The following HYKK variants were observed in gnomAD, a reference collection of about 807,000 sequenced individuals.
HYKK encodes the protein hydroxylysine kinase.
HYKK carries 19 observed loss-of-function variants against 29.7 expected under a neutral mutation model. The observed-to-expected ratio is 0.64, with a 90% CI of 0.45 to 0.94. The LOEUF (loss-of-function observed/expected upper bound fraction) is 0.94, where lower values mean the gene tolerates loss of function less well. Among genes scored for constraint, HYKK ranks in the 40% least tolerant of loss-of-function variants. The pLI, the probability that HYKK is intolerant of heterozygous loss-of-function variation, is 0.00. For synonymous variants in HYKK, 152 were observed against 158.1 expected (o/e 0.96, Z 0.29); for missense variants, 390 against 443.4 (o/e 0.88, Z 1.08).
chr15:78,533,513 A>G lies in HYKK; in HGVS notation c.965A>G (p.Tyr322Cys). 1 of 1,614,108 alleles carries G rather than the reference A, an allele frequency of 6.2e-7. No individual in the cohort carries two copies. The highest frequency in any genetic ancestry group is 1.3e-5 in the African/African-American group (1 of 75,020). ...RFCQSLVMAA[Y>C]SCQLYPENKD... is the part of the protein sequence containing the mutation. ...TGTCAGTCACTTGTCATGGCTGCATACTCTTGCCAGCTATACCCAGAGAAC... is the reference window on the plus strand; with the variant it reads ...TGTCAGTCACTTGTCATGGCTGCATGCTCTTGCCAGCTATACCCAGAGAAC... Residue 322 changes from tyrosine (Y) to cysteine (C), a missense_variant, in exon 5 of 5, where the codon TAC (tyrosine) becomes TGC (cysteine). Coordinates refer to ENST00000388988, the MANE Select transcript of HYKK (RefSeq NM_001013619.4).
chr15:78,514,889 C>CCTCTCTCTCTCTCTCTCTCTCT (rs148681032), intron 2 of HYKK, 79 bp from the exon 3 acceptor site: 3 of 208,604 alleles, frequency 1.4e-5, no homozygotes, highest in South Asian at 2.3e-4. Context: ...TATCTAAATA[C>CCTCTCTCTCTCTCTCTCTCTCT]CTCTCTCTCT....
intron 4 of HYKK, 72 bp from the exon 5 acceptor site, chr15:78,533,138 A>C: frequency 1.0e-6 from 1 of 956,028 alleles, no homozygotes; most frequent in Non-Finnish European, 1.6e-6. Context: ...GGCTTTGCCT[A>C]TGAAAGAGAA....
rs2036534 is a variant in HYKK at position 78,534,606 on chromosome 15, T to C, written c.*936T>C. The C allele has an allele frequency of 0.26, 39,814 of 152,130 alleles. 5,936 individuals carry two copies. The highest frequency in any genetic ancestry group is 0.46 in the Admixed American group (7,033 of 15,266). The allele number at this position is 152,130 out of a possible 1,614,324, so 9.4% of individuals were successfully genotyped here. A position where few individuals can be genotyped will look rare whatever the true frequency, so the allele number is the denominator to read the frequency against. On this transcript the variant is annotated 3_prime_UTR_variant, in exon 5 of 5. Transcript: ENST00000388988. ...ATAGTGCCTTTCCTACAGAGAGGTC[T>C]TTAAAAATATTTGAAAATAAATGCG...
intron 3 of HYKK, among the ~76,000 whole-genome samples, chr15:78,516,540 G>A (rs1195103297): frequency 1.3e-5 from 2 of 151,554 alleles, no homozygotes; most frequent in East Asian, 3.9e-4. Context: ...TGTAGAGATG[G>A]GGTTTCACCA....
At chr15:78,525,369 G>A (rs954941314) in intron 3 of HYKK, among the ~76,000 whole-genome samples, 3 of 151,982 alleles carry the variant, frequency 2.0e-5, no homozygotes, top group African/African-American at 4.8e-5. Flanking sequence ...TGTTAGCCAG[G>A]ATGGTCTCGA....
intron 4 of HYKK, among the ~76,000 whole-genome samples, chr15:78,532,380 T>C (rs1231784908): frequency 6.6e-6 from 1 of 152,200 alleles, no homozygotes; most frequent in Non-Finnish European, 1.5e-5. Flanking sequence ...TAACATTTTG[T>C]AGACCAGCAC....
chr15:78,517,282 C>G (rs1336550592), intron 3 of HYKK, among the ~76,000 whole-genome samples: 1 of 151,814 alleles, frequency 6.6e-6, no homozygotes, highest in Admixed American at 6.6e-5. Flanking sequence ...GCTTTTAAGA[C>G]TTTCTCTTGA....
chr15:78,514,230 C>T (rs2052104181), intron 2 of HYKK, among the ~76,000 whole-genome samples: 1 of 151,934 alleles, frequency 6.6e-6, no homozygotes, highest in Non-Finnish European at 1.5e-5. Context: ...TAGATTTTAG[C>T]TTTGTCATTA....
intron 1 of HYKK, among the ~76,000 whole-genome samples, chr15:78,510,097 C>A (rs2052057127): frequency 6.8e-6 from 1 of 147,796 alleles, no homozygotes; most frequent in African/African-American, 2.5e-5. Flanking sequence ...TCTTTTCTTT[C>A]TTTCTCTCTC....
At chr15:78,537,171 A>G (rs1157124381), downstream of HYKK, 3 of 447,058 alleles carry the variant, frequency 6.7e-6, no homozygotes, top group South Asian at 6.2e-5. Flanking sequence ...CCTAGCCTCC[A>G]TAATTTATTT....
At position 78,527,448 on chromosome 15, in the gene HYKK, T is replaced by G. The variant is rs753604184; in HGVS notation, c.546T>G (p.Pro182=). ...ENFIWNLKNV[P]LLEKYLYALG... ...TCATCTGGAATCTGAAAAATGTTCC[T>G]CTTCTGGAGAAATACCTGTATGCCC... The change falls in exon 4 of 5, where the codon CCT becomes CCG. Residue 182 remains proline, a synonymous_variant. Transcript: ENST00000388988. 29 of 1,614,082 alleles carry G rather than the reference T, an allele frequency of 1.8e-5. No homozygotes were observed. The Middle Eastern group carries it at 6.6e-4, about 37-fold the overall frequency.
chr15:78,535,508 A>G lies in HYKK; in HGVS notation c.*1838A>G, dbSNP rs1022019105. On this transcript the variant is annotated 3_prime_UTR_variant, in exon 5 of 5. Coordinates refer to ENST00000388988, the MANE Select transcript of HYKK (RefSeq NM_001013619.4). ...CATTGTGAAGATTTCATAAGAGAACAGTGCCAAGTGCTTAACACAGTGTGT... is the reference window on the plus strand; with the variant it reads ...CATTGTGAAGATTTCATAAGAGAACGGTGCCAAGTGCTTAACACAGTGTGT... 5.3e-5 allele frequency: 8 copies of G among 152,134 alleles called. No homozygotes were observed. The highest frequency in any genetic ancestry group is 1.9e-4 in the African/African-American group (8 of 41,434). 9.4% of individuals were successfully genotyped at this position (152,134 alleles called of 1,614,324 possible).
Position 78,535,665 on chromosome 15 carries a change from T to C in HYKK, c.*1995T>C, listed in dbSNP as rs938868126. ...CAGTGAGCCCTACTGGTTTTTAGAA[T>C]TGTAGAATTTTAGGAATCTCTGTCT... On this transcript the variant is annotated 3_prime_UTR_variant, in exon 5 of 5. Coordinates refer to ENST00000388988, the MANE Select transcript of HYKK (RefSeq NM_001013619.4). 2.6e-5 allele frequency: 4 copies of C among 152,210 alleles called. No individual in the cohort carries two copies. Among genetic ancestry groups the C allele is most frequent in the African/African-American group, 9.6e-5 (4 of 41,462 alleles). 9.4% of individuals were successfully genotyped at this position (152,210 alleles called of 1,614,324 possible).
At chr15:78,525,797 C>A (rs2052248197) in intron 3 of HYKK, among the ~76,000 whole-genome samples, 1 of 152,206 alleles carries the variant, frequency 6.6e-6, no homozygotes, top group Admixed American at 6.5e-5. Flanking sequence ...CCACGCCCAG[C>A]CAGAATATAA....
At chr15:78,512,327 A>G (rs1403561789) in intron 1 of HYKK, among the ~76,000 whole-genome samples, 1 of 151,984 alleles carries the variant, frequency 6.6e-6, no homozygotes, top group Non-Finnish European at 1.5e-5. Context: ...GACGGTAGGA[A>G]TATAGTCAAA....
chr15:78,510,162 C>G (rs934600986), intron 1 of HYKK, among the ~76,000 whole-genome samples: 1 of 133,634 alleles, frequency 7.5e-6, no homozygotes. Flanking sequence ...CTTGCTCTCT[C>G]TTCTCTCTTT....
chr15:78,530,996 A>G (rs2052306394), intron 4 of HYKK, among the ~76,000 whole-genome samples: 1 of 151,872 alleles, frequency 6.6e-6, no homozygotes, highest in African/African-American at 2.4e-5. Flanking sequence ...CAGCCTCCCT[A>G]GTAGCTGAAA....
chr15:78,536,877 C>T (rs866838848), downstream of HYKK, among the ~76,000 whole-genome samples: 6 of 152,160 alleles, frequency 3.9e-5, no homozygotes, highest in Admixed American at 6.5e-5. Context: ...TGGGTGGGCA[C>T]CATCCAATCT....
rs539411678 is a variant in HYKK at position 78,513,988 on chromosome 15, C to T, written c.337+563C>T. On this transcript the variant is annotated intron_variant, in intron 2 of 4. Coordinates refer to ENST00000388988, the MANE Select transcript of HYKK (RefSeq NM_001013619.4). The stretch of plus-strand genomic sequence containing the variant: ...GTAGTGTTCTGTAGAGGCAGGGTTT[C>T]GCCATGTTGCCCAGGCTGGTCTTGA... Among the ~76,000 whole-genome samples the T allele has an allele frequency of 7.2e-5, 11 of 152,044 alleles. 1 individual carries two copies. The highest frequency in any genetic ancestry group is 2.2e-4 in the African/African-American group (9 of 41,474).
Sources: gnomAD v4.1 joint callset for allele counts (sites outside exome capture counted in the v4.1 genomes callset) on GRCh38, gnomAD v4.1.1 for gene constraint, MANE v1.5 for transcripts, NCBI Gene and HGNC (gene_info 2026-07-23, HGNC 2026-07-21) for gene names.